The following ITPRID1 variants were observed in gnomAD, a reference collection of about 807,000 sequenced individuals.
ITPRID1 encodes the protein ITPR interacting domain containing 1.
ITPRID1 carries 96 observed loss-of-function variants against 95.4 expected under a neutral mutation model. The observed-to-expected ratio is 1.01, with a 90% confidence interval of 0.85 to 1.19. The LOEUF (loss-of-function observed/expected upper bound fraction) is 1.19. Among genes scored for constraint, ITPRID1 ranks in the 50% most tolerant of loss-of-function variants. The pLI is 0.00. For synonymous variants in ITPRID1, 510 were observed against 453.6 expected (o/e 1.12, Z -1.58); for missense variants, 1,339 against 1,252.9 (o/e 1.07, Z -1.04).
rs1212250319 is a variant in ITPRID1, at chr7:31,651,214, C to T, written c.2656C>T (p.Gln886Ter). ...SFREYLEEIEQHLMGQQALFS... is the reference protein window; with the variant it reads ...SFREYLEEIE ...CCGGGAGTATTTAGAAGAAATTGAA[C>T]AGCACCTTATGGGACAGCAGGCCCT... Residue 886 changes from glutamine to a stop codon, truncating the protein, a stop_gained, in exon 13 of 15, where the codon CAG becomes TAG. Coordinates refer to ENST00000615280, the MANE Select transcript of ITPRID1 (RefSeq NM_001257967.3). LOFTEE classifies it high-confidence loss of function. 2 of 1,613,630 alleles carry T rather than the reference C, an allele frequency of 1.2e-6. No homozygotes were observed. Among genetic ancestry groups the T allele is most frequent in the Middle Eastern group, 1.7e-4 (1 of 6,058 alleles).
At chr7:31,651,826 G>T (rs1416451710) in intron 13 of ITPRID1, 113 bp from the exon 14 acceptor site, 68 of 600,372 alleles carry the variant, frequency 1.1e-4, no homozygotes, top group Middle Eastern at 5.1e-4. Context: ...AAATAAAGAT[G>T]ACATTCTCTT....
chr7:31,546,455 A>G (rs1274448011), intron 1 of ITPRID1, among the ~76,000 whole-genome samples: 1 of 151,884 alleles, frequency 6.6e-6, no homozygotes, highest in African/African-American at 2.4e-5. Flanking sequence ...CTGTGCATGC[A>G]TGTGTCTGTG....
intron 1 of ITPRID1, among the ~76,000 whole-genome samples, chr7:31,524,869 T>C (rs1395534266): frequency 6.6e-6 from 1 of 152,204 alleles, no homozygotes; most frequent in African/African-American, 2.4e-5. Context: ...TTTATATCAA[T>C]GGTACCTAGA....
rs185754483 is a variant in ITPRID1 at position 31,536,701 on chromosome 7, C to A, written c.-97-12725C>A. Among the ~76,000 whole-genome samples the A allele has an allele frequency of 2.3e-3, 348 of 152,240 alleles. 1 individual carries two copies. The highest frequency in any genetic ancestry group is 7.7e-3 in the African/African-American group (322 of 41,552). On this transcript the variant is annotated intron_variant, in intron 1 of 14. Coordinates refer to ENST00000615280, the MANE Select transcript of ITPRID1 (RefSeq NM_001257967.3). Reference sequence around the variant, plus strand: ...TCTTGCTGGGTCTTGGATTTGCTGTCACTTTAGTTAGTTTTAGTTCATCAC... The same window carrying A: ...TCTTGCTGGGTCTTGGATTTGCTGTAACTTTAGTTAGTTTTAGTTCATCAC...
chr7:31,642,033 G>T, intron 10 of ITPRID1, 143 bp from the exon 11 acceptor site: 1 of 511,120 alleles, frequency 2.0e-6, no homozygotes, highest in Non-Finnish European at 3.5e-6. Flanking sequence ...AATGTCCTTG[G>T]AATTCCCTCA....
chr7:31,589,011 C>A (rs966871864), intron 10 of ITPRID1, among the ~76,000 whole-genome samples: 3 of 151,750 alleles, frequency 2.0e-5, no homozygotes, highest in Non-Finnish European at 4.4e-5. Context: ...TTAATGAAGA[C>A]AAACCATGAG....
At chr7:31,599,631 T>C (rs1431160516) in intron 10 of ITPRID1, among the ~76,000 whole-genome samples, 29,612 of 104,628 alleles carry the variant, frequency 0.28, 4,700 homozygotes, top group East Asian at 0.4. Flanking sequence ...CTTTCTTTCT[T>C]TCTTTCTTTC....
intron 10 of ITPRID1, among the ~76,000 whole-genome samples, chr7:31,629,919 T>G (rs188911981): frequency 6.6e-6 from 1 of 152,290 alleles, no homozygotes; most frequent in Admixed American, 6.5e-5. Flanking sequence ...AGGCAAAGTC[T>G]AAAGAATTGT....
At chr7:31,618,507 A>G (rs1787486149) in intron 10 of ITPRID1, among the ~76,000 whole-genome samples, 1 of 152,152 alleles carries the variant, frequency 6.6e-6, no homozygotes, top group East Asian at 1.9e-4. Context: ...GCCTAATCCC[A>G]AGAAAAAATG....
chr7:31,643,068 G>A lies in ITPRID1; in HGVS notation c.1698G>A (p.Leu566=), dbSNP rs749800223. ...CCACTTCCAAATATGATCATCCTCT[G>A]GGGTTTATGGTAACCCACGTCACAG... The part of the protein sequence containing the change: ...PTATSKYDHP[L]GFMVTHVTEM... The change falls in exon 12 of 15, where the codon CTG becomes CTA. Residue 566 remains leucine, a synonymous_variant. Transcript: ENST00000615280. The A allele has an allele frequency of 3.1e-6, 5 of 1,613,868 alleles. No individual in the cohort carries two copies. Among genetic ancestry groups the A allele is most frequent in the East Asian group, 4.5e-5 (2 of 44,884 alleles).
chr7:31,580,927 G>A (rs547601488), intron 9 of ITPRID1, among the ~76,000 whole-genome samples: 7 of 152,200 alleles, frequency 4.6e-5, no homozygotes, highest in South Asian at 4.1e-4. Flanking sequence ...CACACTACTC[G>A]AATTTCATTT....
intron 10 of ITPRID1, among the ~76,000 whole-genome samples, chr7:31,604,212 A>G (rs1168746727): frequency 1.3e-5 from 2 of 152,186 alleles, no homozygotes; most frequent in African/African-American, 2.4e-5. Flanking sequence ...TACATAAAGC[A>G]CTTTACATTC....
At chr7:31,647,673 C>CAAAAAAAAAAAAAAAAAAAAAAAAAAA in intron 12 of ITPRID1, among the ~76,000 whole-genome samples, 1 of 69,340 alleles carries the variant, frequency 1.4e-5, no homozygotes, top group Non-Finnish European at 2.8e-5. Flanking sequence ...GTCTCCGTCT[C>CAAAAAAAAAAAAAAAAAAAAAAAAAAA]AAAAAAAAAA....
intron 10 of ITPRID1, among the ~76,000 whole-genome samples, chr7:31,590,241 T>A (rs1785807975): frequency 6.6e-6 from 1 of 152,086 alleles, no homozygotes; most frequent in South Asian, 2.1e-4. Context: ...GCTACATTTT[T>A]AAAATTAAAA....
In ITPRID1 at chr7:31,643,494, A is replaced by G; in HGVS notation, c.2124A>G (p.Val708=). Residue 708 remains valine, a synonymous_variant, in exon 12 of 15, where the codon GTA becomes GTG. Coordinates refer to ENST00000615280, the MANE Select transcript of ITPRID1 (RefSeq NM_001257967.3). ...LPLNTGSSRS[V]MTQMSSSLVS... is the part of the protein sequence containing the mutation. Reference sequence around the variant, plus strand: ...TAAATACTGGCAGCTCCAGGTCTGTAATGACCCAGATGTCCTCCAGCCTGG... The same window carrying G: ...TAAATACTGGCAGCTCCAGGTCTGTGATGACCCAGATGTCCTCCAGCCTGG... 6.2e-7 allele frequency: 1 copy of G among 1,613,878 alleles called. No homozygotes were observed.
intron 10 of ITPRID1, among the ~76,000 whole-genome samples, chr7:31,629,759 T>C (rs558784216): frequency 1.8e-4 from 27 of 152,234 alleles, no homozygotes; most frequent in African/African-American, 6.0e-4. Flanking sequence ...AACTCACGAA[T>C]TGTGTGCCTT....
chr7:31,559,711 C>T (rs1483800475), intron 5 of ITPRID1, among the ~76,000 whole-genome samples: 1 of 152,142 alleles, frequency 6.6e-6, no homozygotes, highest in African/African-American at 2.4e-5. Flanking sequence ...TGACTATCAT[C>T]TGGAGATTTA....
chr7:31,574,565 G>A lies in ITPRID1; in HGVS notation c.421G>A (p.Glu141Lys). Residue 141 changes from glutamate (E) to lysine (K), a missense_variant, in exon 8 of 15, where the codon GAG becomes AAG. Transcript: ENST00000615280. ...QSIPEWLEFWEIDPVEILLDL... is the reference protein window; with the variant it reads ...QSIPEWLEFWKIDPVEILLDL... ...CATTCCTGAATGGCTGGAATTTTGG[G>A]AGATAGATCCAGTGGAGATTCTCTT... The A allele has an allele frequency of 6.2e-7, 1 of 1,613,464 alleles. No individual in the cohort carries two copies. Among genetic ancestry groups the A allele is most frequent in the Non-Finnish European group, 8.5e-7 (1 of 1,179,418 alleles).
downstream of ITPRID1, chr7:31,656,526 A>G: frequency 1.1e-6 from 1 of 883,600 alleles, no homozygotes; most frequent in Non-Finnish European, 1.3e-6. Flanking sequence ...CTTCTGTTGA[A>G]AAGAACTGTT....
Sources: allele counts gnomAD v4.1 joint callset (sites outside exome capture counted in the v4.1 genomes callset), GRCh38; gene constraint gnomAD v4.1.1; transcripts MANE v1.5; gene names NCBI Gene and HGNC (gene_info 2026-07-23, HGNC 2026-07-21).